The following DLC1 variants were observed in gnomAD, a reference collection of about 807,000 sequenced individuals.
DLC1 encodes DLC1 Rho GTPase activating protein, also known as rho GTPase-activating protein 7.
DLC1 carries 54 observed loss-of-function variants against 140.3 expected under a neutral mutation model. The observed-to-expected ratio is 0.38, with a 90% CI of 0.31 to 0.48. The LOEUF (loss-of-function observed/expected upper bound fraction) is 0.48, where lower values mean the gene tolerates loss of function less well. DLC1 is among the 20% of genes least tolerant of loss of function. The pLI is 0.96. For synonymous variants in DLC1, 986 were observed against 728.1 expected (o/e 1.35, Z -5.70); for missense variants, 2,536 against 1,907.0 (o/e 1.33, Z -6.14).
chr8:13,548,064 C>A (rs1481746528), intron 1 of DLC1, among the ~76,000 whole-genome samples: 2 of 151,840 alleles, frequency 1.3e-5, no homozygotes, highest in African/African-American at 2.4e-5. Context: ...CTTTTCAAAC[C>A]CTGAGTTATT....
intron 2 of DLC1, among the ~76,000 whole-genome samples, chr8:13,471,820 A>T (rs918732968): frequency 2.0e-5 from 3 of 152,002 alleles, no homozygotes; most frequent in African/African-American, 7.3e-5. Context: ...ATCCTATCTC[A>T]CTCCCTTCCA....
chr8:13,199,177 C>CTTTTTTTTTTTTTTTTTTTTTT (rs71207132), intron 5 of DLC1, among the ~76,000 whole-genome samples: 1 of 93,288 alleles, frequency 1.1e-5, no homozygotes, highest in Non-Finnish European at 2.0e-5. Flanking sequence ...TTCTCTTTTT[C>CTTTTTTTTTTTTTTTTTTTTTT]TTTTTTTTTT....
chr8:13,489,348 C>T (rs1220969555), intron 2 of DLC1, among the ~76,000 whole-genome samples: 3 of 131,334 alleles, frequency 2.3e-5, no homozygotes, highest in African/African-American at 5.6e-5. Context: ...GCCCCCGGCC[C>T]CGAGATTTTT....
intron 2 of DLC1, among the ~76,000 whole-genome samples, chr8:13,453,427 T>TTTTTTTTTTTTTTTTTTTTTTTCAG: frequency 5.1e-5 from 1 of 19,704 alleles, no homozygotes; most frequent in Non-Finnish European, 8.5e-5. Flanking sequence ...TATATATGTG[T>TTTTTTTTTTTTTTTTTTTTTTTCAG]ATATATATAT....
At chr8:13,283,819 A>G (rs1189564225) in intron 5 of DLC1, among the ~76,000 whole-genome samples, 3 of 152,150 alleles carry the variant, frequency 2.0e-5, no homozygotes, top group African/African-American at 7.2e-5. Flanking sequence ...GTGGCGTAGC[A>G]GTGTTGAGGT....
intron 2 of DLC1, among the ~76,000 whole-genome samples, chr8:13,495,850 C>G (rs1252998541): frequency 1.3e-5 from 2 of 152,036 alleles, no homozygotes; most frequent in Admixed American, 1.3e-4. Context: ...TTGAAGATCC[C>G]CCTTATAAGC....
intron 4 of DLC1, among the ~76,000 whole-genome samples, chr8:13,351,921 A>G (rs1834686880): frequency 6.6e-6 from 1 of 152,218 alleles, no homozygotes; most frequent in African/African-American, 2.4e-5. Context: ...TAACATAGAG[A>G]CGGTGTTTCA....
chr8:13,092,472 C>G (rs531823681), intron 13 of DLC1, 140 bp downstream of exon 13: 2 of 857,728 alleles, frequency 2.3e-6, no homozygotes, highest in African/African-American at 3.4e-5. Context: ...TCTTTATTAG[C>G]GGTGTGAGAA....
At chr8:13,132,797 A>G (rs1585726918) in intron 5 of DLC1, 1 of 1,057,388 alleles carries the variant, frequency 9.5e-7, no homozygotes, top group Admixed American at 2.0e-5. Flanking sequence ...ACCACCTCCA[A>G]GAAAATCCGG....
intron 3 of DLC1, among the ~76,000 whole-genome samples, chr8:13,399,363 C>A (rs2117243324): frequency 6.6e-6 from 1 of 152,258 alleles, no homozygotes; most frequent in South Asian, 2.1e-4. Context: ...GGATGCAAAT[C>A]TCACCTGCTG....
chr8:13,357,023 C>CTTAGGGGGGCTG (rs1175308018), intron 4 of DLC1, among the ~76,000 whole-genome samples: 2 of 152,058 alleles, frequency 1.3e-5, no homozygotes, highest in Non-Finnish European at 2.9e-5. Context: ...AATCCCAACA[C>CTTAGGGGGGCTG]TTAGGGGGGC....
intron 4 of DLC1, among the ~76,000 whole-genome samples, chr8:13,325,477 C>A (rs1253502505): frequency 6.8e-6 from 1 of 146,154 alleles, no homozygotes; most frequent in Non-Finnish European, 1.5e-5. Flanking sequence ...CACACACACA[C>A]ACAGAAAATC....
intron 2 of DLC1, among the ~76,000 whole-genome samples, chr8:13,426,038 C>G (rs2117369184): frequency 6.6e-6 from 1 of 152,236 alleles, no homozygotes; most frequent in South Asian, 2.1e-4. Flanking sequence ...CTCTCGAACT[C>G]CTAGGTTCAG....
rs1837608638 is a variant in DLC1 at position 13,407,218 on chromosome 8, G to A, written c.1024-5599C>T. ...CTTGGAAGAGCTATTTAGTTCCTGG[G>A]CAGTGAAGCCTCTTTGATTGCAGTG... On this transcript the variant is annotated intron_variant, in intron 2 of 17. Transcript: ENST00000276297. Among the ~76,000 whole-genome samples, 3 of 152,180 alleles carry A rather than the reference G, an allele frequency of 2.0e-5. No homozygotes were observed. The South Asian group carries it at 6.2e-4, about 32-fold the overall frequency.
intron 4 of DLC1, among the ~76,000 whole-genome samples, chr8:13,324,113 A>G (rs566748045): frequency 3.9e-5 from 6 of 152,344 alleles, no homozygotes; most frequent in African/African-American, 1.4e-4. Flanking sequence ...TTGCATCAGA[A>G]AGAGATCTGA....
chr8:13,250,304 C>A (rs1273569236), intron 5 of DLC1, among the ~76,000 whole-genome samples: 1 of 152,202 alleles, frequency 6.6e-6, no homozygotes, highest in Non-Finnish European at 1.5e-5. Flanking sequence ...TAAGCTTCTG[C>A]AAAGACCTTG....
intron 5 of DLC1, among the ~76,000 whole-genome samples, chr8:13,212,967 T>A (rs1482160544): frequency 1.3e-5 from 2 of 152,220 alleles, no homozygotes; most frequent in African/African-American, 2.4e-5. Flanking sequence ...CACTTTCTAT[T>A]TGCTATGTAT....
At chr8:13,283,572 G>C (rs1831441425) in intron 5 of DLC1, among the ~76,000 whole-genome samples, 1 of 152,100 alleles carries the variant, frequency 6.6e-6, no homozygotes, top group Non-Finnish European at 1.5e-5. Flanking sequence ...CAGGAGTGTA[G>C]TGGTGCGATC....
chr8:13,553,016 A>G (rs1309141530), intron 1 of DLC1, among the ~76,000 whole-genome samples: 1 of 151,432 alleles, frequency 6.6e-6, no homozygotes, highest in Non-Finnish European at 1.5e-5. Context: ...GAATAGGAAT[A>G]TTATACTAAA....
Sources: allele counts gnomAD v4.1 joint callset (sites outside exome capture counted in the v4.1 genomes callset), GRCh38; gene constraint gnomAD v4.1.1; transcripts MANE v1.5; gene names NCBI Gene and HGNC (gene_info 2026-07-23, HGNC 2026-07-21).